GOSR2: variants seen among roughly 807,000 people sequenced by gnomAD.
GOSR2 encodes the protein golgi SNAP receptor complex member 2, also known as 27 kDa Golgi SNARE protein.
Under a neutral mutation model 27.9 loss-of-function variants are expected in GOSR2, and 20 were observed. That is an observed-to-expected ratio of 0.72 (90% CI 0.50 to 1.04). GOSR2 has a LOEUF of 1.04. Among genes scored for constraint, GOSR2 ranks in the 50% least tolerant of loss-of-function variants. The probability of loss-of-function intolerance (pLI) is 0.00; values close to 1 mark genes in which losing one functional copy is unlikely to be tolerated. For synonymous variants in GOSR2, 91 were observed against 98.8 expected, an observed-to-expected ratio of 0.92 and a Z score of 0.47; for missense variants, 261 against 270.5, an observed-to-expected ratio of 0.97 and a Z score of 0.25.
chr17:46,950,735 G>A (rs1360335317), intron 6 of GOSR2, among the ~76,000 whole-genome samples: 1 of 152,154 alleles, frequency 6.6e-6, no homozygotes, highest in East Asian at 1.9e-4. Context: ...CTGTGTGGGG[G>A]CACTCTTCTG....
chr17:46,923,918 A>G (rs2086102977), intron 1 of GOSR2: 1 of 398,516 alleles, frequency 2.5e-6, no homozygotes. Flanking sequence ...GGGGGGCAGA[A>G]TTATGATTTT....
intron 4 of GOSR2, chr17:46,932,894 G>A (rs1282460287): frequency 6.6e-6 from 1 of 152,424 alleles, no homozygotes; most frequent in Admixed American, 6.5e-5. Flanking sequence ...TTTTTTTACA[G>A]AGGATTATTT....
rs1176366316 is a variant in GOSR2 at position 46,932,081 on chromosome 17, T to TA, written c.221dup (p.Tyr75ValfsTer2). 4 of 1,613,584 alleles carry TA rather than the reference T, an allele frequency of 2.5e-6. No homozygotes were observed. The highest frequency in any genetic ancestry group is 3.4e-6 in the Non-Finnish European group (4 of 1,179,652). On this transcript the variant is annotated frameshift_variant, in exon 4 of 6. Coordinates refer to ENST00000640051, the MANE Select transcript of GOSR2 (RefSeq NM_004287.5). LOFTEE classifies it high-confidence loss of function. ...ATCAATTCCAGTCGGGTTGACCAGTTAAAGTATGATGTCCAGCACCTGCAG... is the reference window on the plus strand; with the variant it reads ...ATCAATTCCAGTCGGGTTGACCAGTTAAAAGTATGATGTCCAGCACCTGCAG...
chr17:46,943,416 T>G (rs2089525505), downstream of GOSR2, among the ~76,000 whole-genome samples: 1 of 152,098 alleles, frequency 6.6e-6, no homozygotes, highest in Non-Finnish European at 1.5e-5. Context: ...CTTGGTCTTC[T>G]CAGAACATGC....
intron 6 of GOSR2, among the ~76,000 whole-genome samples, chr17:46,951,487 A>G (rs988524898): frequency 2.0e-5 from 3 of 152,234 alleles, no homozygotes; most frequent in African/African-American, 7.2e-5. Context: ...TCAAGCTGCC[A>G]GAGAGAGCCT....
At position 46,938,931 on chromosome 17, in the gene GOSR2, C is replaced by T; in HGVS notation, c.*171C>T. On this transcript the variant is annotated 3_prime_UTR_variant, in exon 6 of 6. Transcript: ENST00000640051. The stretch of plus-strand genomic sequence containing the variant: ...TTCCAACCTGCTCTGTTTTCTGTGA[C>T]ATCTTGGAGGGGGAGCTAGTGCCAC... 6.6e-7 allele frequency: 1 copy of T among 1,506,032 alleles called. No homozygotes were observed. The highest frequency in any genetic ancestry group is 1.2e-5 in the South Asian group (1 of 82,232). 93.3% of individuals were successfully genotyped at this position (1,506,032 alleles called of 1,614,324 possible). A position where few individuals can be genotyped will look rare whatever the true frequency, so the allele number is the denominator to read the frequency against.
chr17:46,958,275 AC>A (rs766565874), intron 6 of GOSR2, among the ~76,000 whole-genome samples: 18 of 152,272 alleles, frequency 1.2e-4, no homozygotes, highest in Non-Finnish European at 2.2e-4. Context: ...CAAATCACAC[AC>A]CAAATAAGGA....
downstream of GOSR2, among the ~76,000 whole-genome samples, chr17:46,969,263 A>G (rs2091367052): frequency 6.6e-6 from 1 of 152,142 alleles, no homozygotes; most frequent in African/African-American, 2.4e-5. Context: ...GCCCTTCTGG[A>G]GAGGACTGAA....
downstream of GOSR2, among the ~76,000 whole-genome samples, chr17:46,971,732 C>T (rs992465259): frequency 2.6e-5 from 4 of 152,194 alleles, no homozygotes; most frequent in Non-Finnish European, 5.9e-5. Flanking sequence ...GTCCTGCACC[C>T]CGACCTGCCT....
intron 5 of GOSR2, chr17:46,935,952 A>G (rs1470237009): frequency 8.0e-5 from 79 of 985,730 alleles, no homozygotes; most frequent in Non-Finnish European, 9.3e-5. Flanking sequence ...TGTGAGAAAC[A>G]GTCACTCGGA....
Position 46,938,704 on chromosome 17 carries a change from G to A in GOSR2, c.583G>A (p.Gly195Ser). The A allele has an allele frequency of 6.2e-7, 1 of 1,613,872 alleles. No individual in the cohort carries two copies. The highest frequency in any genetic ancestry group is 8.5e-7 in the Non-Finnish European group (1 of 1,179,944). Residue 195 changes from glycine to serine, a missense_variant, in exon 6 of 6, where the codon GGT becomes AGT. Coordinates refer to ENST00000640051, the MANE Select transcript of GOSR2 (RefSeq NM_004287.5). The stretch of plus-strand genomic sequence containing the variant: ...TTTCCAGGACAAGTACTTTATGATA[G>A]GTGGGATGCTGCTGACCTGTGTGGT... ...RAFQDKYFMI[G>S]GMLLTCVVMF...
At chr17:46,936,604 A>C in intron 5 of GOSR2, 1 of 985,368 alleles carries the variant, frequency 1.0e-6, no homozygotes, top group Non-Finnish European at 1.2e-6. Context: ...AGGCTGAAGC[A>C]CTCTGATGAC....
chr17:46,946,282 C>CAAAAAAAAAAAA (rs58163051), downstream of GOSR2, among the ~76,000 whole-genome samples: 5 of 126,678 alleles, frequency 3.9e-5, no homozygotes, highest in African/African-American at 6.4e-5. Flanking sequence ...CTAAAAATAC[C>CAAAAAAAAAAAA]AAAAAAAAAA....
rs1456155768 is a variant in GOSR2 at position 46,939,771 on chromosome 17, C to T, written c.*1011C>T. The T allele has an allele frequency of 2.0e-6, 2 of 987,354 alleles. No individual in the cohort carries two copies. The highest frequency in any genetic ancestry group is 1.7e-5 in the African/African-American group (1 of 57,234). The allele number at this position is 987,354 out of a possible 1,614,324, so 61.2% of individuals were successfully genotyped here. Reference sequence around the variant, plus strand: ...AACACTCTGTTTTCAGGGACTACAACCTTTTTCCTTCTGTGACCAGCCCCG... The same window carrying T: ...AACACTCTGTTTTCAGGGACTACAATCTTTTTCCTTCTGTGACCAGCCCCG... On this transcript the variant is annotated 3_prime_UTR_variant, in exon 6 of 6. Transcript: ENST00000640051.
intron 6 of GOSR2, among the ~76,000 whole-genome samples, chr17:46,951,469 G>T (rs1419333596): frequency 6.6e-6 from 1 of 152,248 alleles, no homozygotes; most frequent in Non-Finnish European, 1.5e-5. Context: ...AGGTTTAGCA[G>T]TGACTTGTCA....
intron 1 of GOSR2, chr17:46,923,934 T>C: frequency 5.0e-6 from 2 of 398,572 alleles, no homozygotes; most frequent in Non-Finnish European, 8.8e-6. Flanking sequence ...ATTTTTACCC[T>C]GTTTTGGAGG....
Position 46,939,926 on chromosome 17 carries a change from C to A in GOSR2, c.*1166C>A, listed in dbSNP as rs2089019483. On this transcript the variant is annotated 3_prime_UTR_variant, in exon 6 of 6. Coordinates refer to ENST00000640051, the MANE Select transcript of GOSR2 (RefSeq NM_004287.5). Reference sequence around the variant, plus strand: ...CCTGGTTAGTGTATGTTCTCATTTACCACAGGCCTACCAGCCCTGGGCACA... The same window carrying A: ...CCTGGTTAGTGTATGTTCTCATTTAACACAGGCCTACCAGCCCTGGGCACA... 1.0e-6 allele frequency: 1 copy of A among 1,000,348 alleles called. No individual in the cohort carries two copies. Among genetic ancestry groups the A allele is most frequent in the Non-Finnish European group, 1.2e-6 (1 of 837,356 alleles). The allele number at this position is 1,000,348 out of a possible 1,614,324, so 62.0% of individuals were successfully genotyped here.
intron 6 of GOSR2, among the ~76,000 whole-genome samples, chr17:46,961,020 T>C (rs998602835): frequency 3.3e-5 from 5 of 152,112 alleles, no homozygotes; most frequent in Non-Finnish European, 7.4e-5. Flanking sequence ...ATGACTACTT[T>C]GGGGAGAGTT....
chr17:46,969,728 A>G (rs1216004410), downstream of GOSR2, among the ~76,000 whole-genome samples: 1 of 152,242 alleles, frequency 6.6e-6, no homozygotes, highest in South Asian at 2.1e-4. Context: ...GGCTTGGCAA[A>G]TAACTTCAAA....
Sources: allele counts gnomAD v4.1 joint callset (sites outside exome capture counted in the v4.1 genomes callset), GRCh38; gene constraint gnomAD v4.1.1; transcripts MANE v1.5; gene names NCBI Gene and HGNC (gene_info 2026-07-23, HGNC 2026-07-21).